The following RABGAP1 variants were observed in gnomAD, a reference collection of about 807,000 sequenced individuals.
RABGAP1 encodes the protein RAB GTPase activating protein 1, also known as rab GTPase-activating protein 1.
A neutral mutation model predicts 137.6 loss-of-function variants in RABGAP1; 23 were observed. The observed-to-expected ratio is 0.17, with a 90% confidence interval of 0.12 to 0.24. The LOEUF (loss-of-function observed/expected upper bound fraction) is 0.24. RABGAP1 is among the 10% of genes least tolerant of loss of function. The probability of loss-of-function intolerance (pLI) is 1.00; values close to 1 mark genes in which losing one functional copy is unlikely to be tolerated. For synonymous variants in RABGAP1, 451 were observed against 450.7 expected, an observed-to-expected ratio of 1.00 and a Z score of -0.01; for missense variants, 906 against 1,275.8, an observed-to-expected ratio of 0.71 and a Z score of 4.42.
At chr9:122,968,476 G>A (rs561345276) in intron 2 of RABGAP1, among the ~76,000 whole-genome samples, 55 of 152,148 alleles carry the variant, frequency 3.6e-4, no homozygotes, top group Middle Eastern at 3.4e-3. Context: ...GCCTGCCTTG[G>A]CCTCTCAAAC....
In RABGAP1 at chr9:123,035,638, CCGTGTGTGTG is replaced by C. The variant is rs762192004; in HGVS notation, c.1794+15180_1794+15189del. 578 of 1,159,108 alleles carry C rather than the reference CCGTGTGTGTG, an allele frequency of 5.0e-4. 1 individual carries two copies. The highest frequency in any genetic ancestry group is 6.2e-4 in the Non-Finnish European group (506 of 819,016). 71.8% of individuals were successfully genotyped at this position (1,159,108 alleles called of 1,614,324 possible). Reference sequence around the variant, plus strand: ...CTGAAGTGGCTCAGTTACGGGGTTCCCGTGTGTGTGTGTGTGTGTGTGTGTGTGTGTGTGT... The same window carrying C: ...CTGAAGTGGCTCAGTTACGGGGTTCCTGTGTGTGTGTGTGTGTGTGTGTGT... On this transcript the variant is annotated intron_variant, in intron 13 of 25. Transcript: ENST00000373647.
chr9:123,013,587 C>T (rs1564132599), intron 11 of RABGAP1, among the ~76,000 whole-genome samples: 2 of 152,174 alleles, frequency 1.3e-5, no homozygotes, highest in South Asian at 2.1e-4. Flanking sequence ...CCCACTTTGG[C>T]CTCCCAAAGT....
At chr9:123,076,597 A>G in intron 18 of RABGAP1, 37 bp from the exon 19 acceptor site, 1 of 1,563,842 alleles carries the variant, frequency 6.4e-7, no homozygotes, top group Non-Finnish European at 8.6e-7. Flanking sequence ...CCTTATAGCA[A>G]CACATTTTTT....
Position 123,103,791 on chromosome 9 carries a change from G to C in RABGAP1, c.*578G>C, listed in dbSNP as rs700082. 118,492 of 149,492 alleles carry C rather than the reference G, an allele frequency of 0.79. 48,071 individuals carry two copies. The highest frequency in any genetic ancestry group is 0.89 in the Middle Eastern group (261 of 294). The allele number at this position is 149,492 out of a possible 1,614,324, so 9.3% of individuals were successfully genotyped here. A position where few individuals can be genotyped will look rare whatever the true frequency, so the allele number is the denominator to read the frequency against. ...GCCACCTGGTTCTGTTAAACTGTAT[G>C]GTGCAGGTTTTGGGTTTGGCATTAT... On this transcript the variant is annotated 3_prime_UTR_variant, in exon 26 of 26. Transcript: ENST00000373647.
chr9:123,057,747 C>T (rs949691044), intron 13 of RABGAP1, among the ~76,000 whole-genome samples: 3 of 152,214 alleles, frequency 2.0e-5, no homozygotes, highest in African/African-American at 4.8e-5. Context: ...CGCCACTGCA[C>T]TCCAGCCTGG....
intron 11 of RABGAP1, among the ~76,000 whole-genome samples, chr9:123,011,228 G>T (rs2030778196): frequency 6.6e-6 from 1 of 152,166 alleles, no homozygotes; most frequent in Non-Finnish European, 1.5e-5. Context: ...GAAGCTCACA[G>T]GAAATGTTCT....
chr9:122,995,788 C>T (rs1207598088), intron 6 of RABGAP1, among the ~76,000 whole-genome samples: 4 of 151,992 alleles, frequency 2.6e-5, no homozygotes, highest in South Asian at 2.1e-4. Context: ...AGGCTGGTCT[C>T]GAACTCCTGA....
At chr9:122,995,089 A>C (rs1468281559) in intron 6 of RABGAP1, among the ~76,000 whole-genome samples, 2 of 152,200 alleles carry the variant, frequency 1.3e-5, no homozygotes, top group Admixed American at 6.5e-5. Context: ...ACTGTGCTGC[A>C]ACCTGGGTGA....
At chr9:123,001,250 AAGG>A (rs1837312031) in intron 10 of RABGAP1, among the ~76,000 whole-genome samples, 1 of 152,160 alleles carries the variant, frequency 6.6e-6, no homozygotes, top group Non-Finnish European at 1.5e-5. Flanking sequence ...GTCCTCTACT[AAGG>A]AGAGATTCTT....
At chr9:122,951,247 T>G (rs10760260) in intron 1 of RABGAP1, among the ~76,000 whole-genome samples, 94,734 of 152,054 alleles carry the variant, frequency 0.62, 36,721 homozygotes, top group Non-Finnish European at 0.86. Flanking sequence ...TCAGGTTCAA[T>G]TATTAGTATC....
At chr9:122,972,767 A>C (rs778037159) in intron 2 of RABGAP1, among the ~76,000 whole-genome samples, 3 of 152,130 alleles carry the variant, frequency 2.0e-5, no homozygotes, top group African/African-American at 4.8e-5. Flanking sequence ...GGGTCAAGGA[A>C]GGCTTCTTGG....
At chr9:122,987,386 A>G (rs1836428386) in intron 4 of RABGAP1, among the ~76,000 whole-genome samples, 1 of 152,172 alleles carries the variant, frequency 6.6e-6, no homozygotes, top group South Asian at 2.1e-4. Flanking sequence ...TCTACCACTA[A>G]TAAATACAGT....
intron 11 of RABGAP1, 37 bp downstream of exon 11, chr9:123,010,565 T>C (rs1343332604): frequency 6.4e-7 from 1 of 1,557,816 alleles, no homozygotes; most frequent in South Asian, 1.1e-5. Flanking sequence ...TTTTTGGGGG[T>C]GGAAGACCAT....
At chr9:123,023,862 A>G (rs1283613488) in intron 13 of RABGAP1, among the ~76,000 whole-genome samples, 2 of 152,150 alleles carry the variant, frequency 1.3e-5, no homozygotes, top group Admixed American at 6.5e-5. Context: ...CTGAAATTTT[A>G]CATATAATAT....
intron 13 of RABGAP1, among the ~76,000 whole-genome samples, chr9:123,041,409 T>C (rs2032946129): frequency 2.0e-5 from 3 of 152,184 alleles, no homozygotes; most frequent in South Asian, 4.1e-4. Flanking sequence ...AACATAGGCT[T>C]AGAGAGGTTA....
chr9:123,023,843 C>G (rs1053405485), intron 13 of RABGAP1, among the ~76,000 whole-genome samples: 1 of 151,710 alleles, frequency 6.6e-6, no homozygotes, highest in African/African-American at 2.4e-5. Flanking sequence ...CAGATATATG[C>G]GTTGTGTTCT....
At chr9:123,071,849 G>A (rs2034366623) in intron 15 of RABGAP1, among the ~76,000 whole-genome samples, 1 of 152,152 alleles carries the variant, frequency 6.6e-6, no homozygotes, top group Non-Finnish European at 1.5e-5. Context: ...GTATACAGAA[G>A]TCCTAAACTG....
At chr9:123,001,014 A>G (rs1399796394) in intron 10 of RABGAP1, among the ~76,000 whole-genome samples, 15 of 151,312 alleles carry the variant, frequency 9.9e-5, no homozygotes, top group Non-Finnish European at 1.5e-5. Context: ...ACTGTGCCTC[A>G]CCTTATTTTT....
chr9:122,949,325 C>A (rs1042131131), intron 1 of RABGAP1, among the ~76,000 whole-genome samples: 6 of 152,082 alleles, frequency 3.9e-5, no homozygotes, highest in Non-Finnish European at 4.4e-5. Context: ...CCAGCCTGGC[C>A]AACATGGCGA....
Sources: gnomAD v4.1 joint callset for allele counts (sites outside exome capture counted in the v4.1 genomes callset) on GRCh38, gnomAD v4.1.1 for gene constraint, MANE v1.5 for transcripts, NCBI Gene and HGNC (gene_info 2026-07-23, HGNC 2026-07-21) for gene names.